Variants in POT1 observed in about 807,000 individuals in gnomAD.
POT1 encodes protection of telomeres 1.
Under a neutral mutation model 78.5 loss-of-function variants are expected in POT1, and 47 were observed. The ratio of observed to expected loss-of-function variants is 0.60; its 90% CI spans 0.47 to 0.76. POT1 has a LOEUF of 0.76. Among genes scored for constraint, POT1 ranks in the 30% least tolerant of loss-of-function variants. POT1 has a pLI of 0.00. For synonymous variants in POT1, 259 were observed against 260.7 expected, an observed-to-expected ratio of 0.99 and a Z score of 0.06; for missense variants, 646 against 749.9, an observed-to-expected ratio of 0.86 and a Z score of 1.62.
intron 3 of POT1, among the ~76,000 whole-genome samples, chr7:124,909,907 T>C (rs1400451927): frequency 6.6e-6 from 1 of 151,870 alleles, no homozygotes; most frequent in African/African-American, 2.4e-5. Context: ...TATAAACAAA[T>C]TGATCTCTGA....
At chr7:124,869,904 T>C (rs1214671346) in intron 7 of POT1, among the ~76,000 whole-genome samples, 1 of 152,150 alleles carries the variant, frequency 6.6e-6, no homozygotes, top group Admixed American at 6.5e-5. Context: ...TATTTCTTTT[T>C]ATCTTTACAC....
At chr7:124,854,808 G>C (rs985225228) in intron 9 of POT1, among the ~76,000 whole-genome samples, 3 of 151,682 alleles carry the variant, frequency 2.0e-5, no homozygotes, top group Non-Finnish European at 4.4e-5. Context: ...AAATTTTCTA[G>C]TTTTATCTCA....
Position 124,835,261 on chromosome 7 carries a change from CAAAA to C in POT1, c.1505+14_1505+17del. On this transcript the variant is annotated intron_variant, in intron 15 of 18. Transcript: ENST00000357628. ...GTATAATAAACAAAACAAAACAAAA[CAAAA>C]CAAAACAAAATACCCATAGTGATGT... 1 of 1,611,994 alleles carries C rather than the reference CAAAA, an allele frequency of 6.2e-7. No individual in the cohort carries two copies.
chr7:124,898,563 T>C (rs1490239700), intron 3 of POT1, among the ~76,000 whole-genome samples, 189 bp from the exon 4 acceptor site: 1 of 151,932 alleles, frequency 6.6e-6, no homozygotes, highest in Non-Finnish European at 1.5e-5. Context: ...CTCTAAAACA[T>C]CTTCAACATC....
chr7:124,838,735 A>T (rs1443058028), intron 14 of POT1, among the ~76,000 whole-genome samples: 4 of 152,008 alleles, frequency 2.6e-5, no homozygotes, highest in African/African-American at 9.7e-5. Context: ...CCTCCCGAGT[A>T]GTTGGGATTA....
intron 18 of POT1, among the ~76,000 whole-genome samples, chr7:124,824,855 CTAGT>C (rs79646733): frequency 5.0e-5 from 3 of 60,216 alleles, no homozygotes; most frequent in South Asian, 1.1e-3. Flanking sequence ...AAATCTGAAA[CTAGT>C]TAACAATAAA....
chr7:124,845,589 C>T (rs1166648978), intron 12 of POT1, among the ~76,000 whole-genome samples: 1 of 152,082 alleles, frequency 6.6e-6, no homozygotes, highest in African/African-American at 2.4e-5. Context: ...CTGTTTCCCC[C>T]TTGTATTTAA....
chr7:124,924,203 T>A, intron 2 of POT1, among the ~76,000 whole-genome samples: 3 of 145,386 alleles, frequency 2.1e-5, no homozygotes, highest in African/African-American at 5.0e-5. Context: ...GTTGGTTATT[T>A]AAAGAGAGAA....
intron 4 of POT1, 60 bp from the exon 5 acceptor site, chr7:124,897,272 C>T (rs1225220834): frequency 1.6e-6 from 1 of 624,468 alleles, no homozygotes; most frequent in Non-Finnish European, 2.6e-6. Flanking sequence ...TGATTACATG[C>T]TTTTAGTTGT....
rs569078873 is a variant in POT1, at chr7:124,823,540, T to C, written c.*422A>G. 5 of 154,852 alleles carry C rather than the reference T, an allele frequency of 3.2e-5. No individual in the cohort carries two copies. Among genetic ancestry groups the C allele is most frequent in the African/African-American group, 1.2e-4 (5 of 41,618 alleles). 9.6% of individuals were successfully genotyped at this position (154,852 alleles called of 1,614,324 possible). On this transcript the variant is annotated 3_prime_UTR_variant, in exon 19 of 19. Coordinates refer to ENST00000357628, the MANE Select transcript of POT1 (RefSeq NM_015450.3). ...TTAACATTATAAATCTGACCACTTTTATTAGGTTGAGGTGAAATAGAGAAA... is the reference window on the plus strand; with the variant it reads ...TTAACATTATAAATCTGACCACTTTCATTAGGTTGAGGTGAAATAGAGAAA...
At chr7:124,902,082 T>A (rs1796635271) in intron 3 of POT1, among the ~76,000 whole-genome samples, 1 of 151,994 alleles carries the variant, frequency 6.6e-6, no homozygotes, top group Non-Finnish European at 1.5e-5. Flanking sequence ...GGAGAATAGA[T>A]CCAAATTGGA....
At chr7:124,830,691 C>T (rs1032301100) in intron 15 of POT1, among the ~76,000 whole-genome samples, 1 of 151,992 alleles carries the variant, frequency 6.6e-6, no homozygotes, top group Non-Finnish European at 1.5e-5. Flanking sequence ...TTAAACTCCA[C>T]TATTAAAACT....
intron 3 of POT1, among the ~76,000 whole-genome samples, chr7:124,913,114 C>G (rs1796930926): frequency 6.6e-6 from 1 of 152,126 alleles, no homozygotes; most frequent in East Asian, 1.9e-4. Flanking sequence ...AACTCCTTCA[C>G]TATCATGAGA....
chr7:124,863,701 C>T, intron 7 of POT1, 61 bp from the exon 8 acceptor site: 2 of 1,267,364 alleles, frequency 1.6e-6, no homozygotes, highest in Non-Finnish European at 1.1e-6. Flanking sequence ...GATGCACAAC[C>T]TACGAACCAA....
intron 3 of POT1, among the ~76,000 whole-genome samples, chr7:124,901,202 A>T (rs1020570832): frequency 3.3e-5 from 5 of 152,180 alleles, no homozygotes; most frequent in African/African-American, 4.8e-5. Flanking sequence ...TTGCCTCCTC[A>T]AGTGGGTCCC....
chr7:124,889,192 T>TA (rs1439480473), intron 6 of POT1, among the ~76,000 whole-genome samples: 2 of 152,034 alleles, frequency 1.3e-5, no homozygotes, highest in Admixed American at 1.3e-4. Flanking sequence ...CAAAGAGCCT[T>TA]ATGGCTGATA....
Position 124,827,204 on chromosome 7 carries a change from T to C in POT1, c.1686+10A>G. 7.0e-7 allele frequency: 1 copy of C among 1,419,190 alleles called. No individual in the cohort carries two copies. Among genetic ancestry groups the C allele is most frequent in the Non-Finnish European group, 9.6e-7 (1 of 1,043,222 alleles). The allele number at this position is 1,419,190 out of a possible 1,614,324, so 87.9% of individuals were successfully genotyped here. ...TAATTAAAAATATCTTTATTACCTC[T>C]GATACTTACAGAATCCATGAGATAG... On this transcript the variant is annotated intron_variant, in intron 17 of 18. Coordinates refer to ENST00000357628, the MANE Select transcript of POT1 (RefSeq NM_015450.3).
chr7:124,847,145 TTAAGA>T, intron 11 of POT1, 147 bp from the exon 12 acceptor site: 1 of 601,648 alleles, frequency 1.7e-6, no homozygotes, highest in Non-Finnish European at 3.0e-6. Context: ...CTCAATATTG[TTAAGA>T]TATCAATTCT....
At chr7:124,853,223 G>T in intron 9 of POT1, 85 bp from the exon 10 acceptor site, 1 of 986,976 alleles carries the variant, frequency 1.0e-6, no homozygotes, top group Non-Finnish European at 1.5e-6. Flanking sequence ...CCAATATGGG[G>T]CCAATGAGGG....
Sources: gnomAD v4.1 joint callset for allele counts (sites outside exome capture counted in the v4.1 genomes callset) on GRCh38, gnomAD v4.1.1 for gene constraint, MANE v1.5 for transcripts, NCBI Gene and HGNC (gene_info 2026-07-23, HGNC 2026-07-21) for gene names.